Variants in XRCC4 observed in about 807,000 individuals in gnomAD.
The protein encoded by XRCC4 is DNA repair protein XRCC4.
A neutral mutation model predicts 39.1 loss-of-function variants in XRCC4; 28 were observed. That is an observed-to-expected ratio of 0.72 (90% CI 0.53 to 0.98). XRCC4 has a LOEUF of 0.98. Ranked by LOEUF, XRCC4 falls within the 50% of genes least tolerant of loss-of-function variation. The pLI is 0.00. For synonymous variants in XRCC4, 123 were observed against 126.4 expected, an observed-to-expected ratio of 0.97 and a Z score of 0.18; for missense variants, 350 against 376.4, an observed-to-expected ratio of 0.93 and a Z score of 0.58.
chr5:83,317,067 C>A (rs1333721702), intron 7 of XRCC4, among the ~76,000 whole-genome samples: 1 of 73,422 alleles, frequency 1.4e-5, no homozygotes, highest in Non-Finnish European at 2.6e-5. Flanking sequence ...AGCCGCTCAA[C>A]TACATGGAAA....
In XRCC4 at chr5:83,218,062, T is replaced by TTATATATATATATATA. The variant is rs560667796; in HGVS notation, c.745+13143_745+13158dup. Among the ~76,000 whole-genome samples, 251 of 147,598 alleles carry TTATATATATATATATA rather than the reference T, an allele frequency of 1.7e-3. 1 individual carries two copies. The highest frequency in any genetic ancestry group is 9.5e-3 in the South Asian group (44 of 4,626). Reference sequence around the variant, plus strand: ...TTGAACTTCTCAGTCTTTACCTTTTTTATATATATATATATATTTATTAGA... The same window carrying TTATATATATATATATA: ...TTGAACTTCTCAGTCTTTACCTTTTTTATATATATATATATATATATATATATATATATTTATTAGA... On this transcript the variant is annotated intron_variant, in intron 6 of 7. Coordinates refer to ENST00000396027, the MANE Select transcript of XRCC4 (RefSeq NM_003401.5).
At chr5:83,223,516 T>G (rs1752167925) in intron 6 of XRCC4, among the ~76,000 whole-genome samples, 1 of 152,060 alleles carries the variant, frequency 6.6e-6, no homozygotes, top group Non-Finnish European at 1.5e-5. Flanking sequence ...TACCTAAAGT[T>G]TATTGTATCT....
intron 7 of XRCC4, among the ~76,000 whole-genome samples, chr5:83,331,285 A>G (rs1318848052): frequency 6.6e-6 from 1 of 152,146 alleles, no homozygotes; most frequent in Non-Finnish European, 1.5e-5. Flanking sequence ...AAGGTAGACA[A>G]CTTTATAAAC....
chr5:83,272,672 T>C (rs981691926), intron 7 of XRCC4, among the ~76,000 whole-genome samples: 2 of 152,172 alleles, frequency 1.3e-5, no homozygotes, highest in African/African-American at 4.8e-5. Context: ...AGTCAGAACA[T>C]GCAGTGTTTG....
intron 7 of XRCC4, among the ~76,000 whole-genome samples, chr5:83,344,948 G>C (rs796828866): frequency 4.6e-5 from 7 of 152,176 alleles, no homozygotes; most frequent in African/African-American, 1.7e-4. Context: ...TGCTAATCTG[G>C]TGTAAAATAT....
the XRCC4 span, among the ~76,000 whole-genome samples, chr5:83,358,990 G>A: frequency 6.6e-6 from 1 of 151,674 alleles, no homozygotes; most frequent in Non-Finnish European, 1.5e-5. Context: ...CCTTTTGAAA[G>A]TTTTCTCGGA....
chr5:83,361,584 T>G, the XRCC4 span, among the ~76,000 whole-genome samples: 1 of 152,062 alleles, frequency 6.6e-6, no homozygotes, highest in African/African-American at 2.4e-5. Flanking sequence ...CAGCAATTTA[T>G]ATTTGATTTT....
intron 3 of XRCC4, among the ~76,000 whole-genome samples, chr5:83,116,052 T>C (rs1054024160): frequency 7.2e-5 from 11 of 152,158 alleles, no homozygotes; most frequent in African/African-American, 2.4e-4. Context: ...CAGACTGATT[T>C]CAGAGTGACA....
chr5:83,080,321 G>A (rs1744878197), intron 1 of XRCC4, among the ~76,000 whole-genome samples: 1 of 152,122 alleles, frequency 6.6e-6, no homozygotes, highest in African/African-American at 2.4e-5. Context: ...GAGGTCAGGA[G>A]TTTGAGACCA....
At chr5:83,335,728 G>A (rs1296973968) in intron 7 of XRCC4, among the ~76,000 whole-genome samples, 1 of 151,936 alleles carries the variant, frequency 6.6e-6, no homozygotes, top group Non-Finnish European at 1.5e-5. Flanking sequence ...CAATTGAGTT[G>A]ACTATTAGTT....
intron 6 of XRCC4, among the ~76,000 whole-genome samples, chr5:83,208,989 G>C (rs1751526058): frequency 6.6e-6 from 1 of 151,840 alleles, no homozygotes; most frequent in African/African-American, 2.4e-5. Flanking sequence ...GACTAGAAAA[G>C]TAGGGATCAC....
chr5:83,230,328 C>T (rs1208662874), intron 6 of XRCC4, among the ~76,000 whole-genome samples: 1 of 151,798 alleles, frequency 6.6e-6, no homozygotes, highest in East Asian at 1.9e-4. Flanking sequence ...AACTACATAG[C>T]AAACCTACAC....
At chr5:83,300,526 A>G (rs1580481915) in intron 7 of XRCC4, among the ~76,000 whole-genome samples, 1 of 148,058 alleles carries the variant, frequency 6.8e-6, no homozygotes, top group Admixed American at 6.8e-5. Flanking sequence ...TGATTATGAC[A>G]CACTAATTTT....
At chr5:83,242,976 A>T (rs1752970399) in intron 6 of XRCC4, among the ~76,000 whole-genome samples, 1 of 152,302 alleles carries the variant, frequency 6.6e-6, no homozygotes, top group South Asian at 2.1e-4. Flanking sequence ...TCTTAAACTA[A>T]TTTCTATAAC....
chr5:83,314,197 G>A (rs1755803960), intron 7 of XRCC4, among the ~76,000 whole-genome samples: 1 of 152,030 alleles, frequency 6.6e-6, no homozygotes, highest in African/African-American at 2.4e-5. Flanking sequence ...TAAAAAAATT[G>A]TATCAGTCAA....
chr5:83,155,203 C>T (rs925346204), intron 3 of XRCC4, among the ~76,000 whole-genome samples: 1 of 152,058 alleles, frequency 6.6e-6, no homozygotes, highest in Non-Finnish European at 1.5e-5. Flanking sequence ...TGTAGTCTTG[C>T]TTACTAGAAA....
At chr5:83,302,522 C>G (rs183263732) in intron 7 of XRCC4, among the ~76,000 whole-genome samples, 4 of 152,296 alleles carry the variant, frequency 2.6e-5, no homozygotes, top group African/African-American at 9.6e-5. Flanking sequence ...GGGCTGCACC[C>G]ACTGTCTAAC....
intron 2 of XRCC4, among the ~76,000 whole-genome samples, chr5:83,107,299 T>C (rs1288630515): frequency 6.6e-6 from 1 of 152,004 alleles, no homozygotes; most frequent in Non-Finnish European, 1.5e-5. Context: ...GTACTTTACA[T>C]GTAGACAATA....
chr5:83,348,935 G>A (rs2112226782), intron 7 of XRCC4, among the ~76,000 whole-genome samples: 1 of 152,258 alleles, frequency 6.6e-6, no homozygotes, highest in Non-Finnish European at 1.5e-5. Flanking sequence ...TAGCAAGAGT[G>A]ACCTCTACTC....
Sources: allele counts gnomAD v4.1 joint callset (sites outside exome capture counted in the v4.1 genomes callset), GRCh38; gene constraint gnomAD v4.1.1; transcripts MANE v1.5; gene names NCBI Gene and HGNC (gene_info 2026-07-23, HGNC 2026-07-21).